The following ZNF618 variants were observed in gnomAD, a reference collection of about 807,000 sequenced individuals.
The protein encoded by ZNF618 is neural precursor cell expressed, developmentally down-regulated 10.
Under a neutral mutation model 103.0 loss-of-function variants are expected in ZNF618, and 34 were observed. The observed-to-expected ratio is 0.33, with a 90% CI of 0.25 to 0.44. ZNF618 has a LOEUF of 0.44. Among genes scored for constraint, ZNF618 ranks in the 20% least tolerant of loss-of-function variants. The pLI is 1.00. For synonymous variants in ZNF618, 551 were observed against 542.2 expected (o/e 1.02, Z -0.23); for missense variants, 1,059 against 1,295.4 (o/e 0.82, Z 2.80).
intron 1 of ZNF618, among the ~76,000 whole-genome samples, chr9:113,967,318 G>T (rs1279731906): frequency 6.6e-6 from 1 of 152,204 alleles, no homozygotes; most frequent in Non-Finnish European, 1.5e-5. Context: ...GGCTGTAATT[G>T]ATCTGTTCTT....
chr9:113,894,595 A>C lies in ZNF618; in HGVS notation c.33+18182A>C, dbSNP rs138224405. 5.3e-5 allele frequency among the ~76,000 whole-genome samples: 8 copies of C among 152,332 alleles called. No individual in the cohort carries two copies. The East Asian group carries it at 1.5e-3, about 29-fold the overall frequency. ...CAATATTATGTTTTTTCCACCCGGT[A>C]ACATGGTCTGTTTCTTTATTCATTC... On this transcript the variant is annotated intron_variant, in intron 1 of 14. Coordinates refer to ENST00000374126, the MANE Select transcript of ZNF618 (RefSeq NM_001318042.2).
chr9:113,879,659 G>A (rs1035105099), intron 1 of ZNF618, among the ~76,000 whole-genome samples: 5 of 151,932 alleles, frequency 3.3e-5, no homozygotes, highest in Admixed American at 3.3e-4. Context: ...AAAATATCTG[G>A]CAAATTGGAC....
intron 2 of ZNF618, among the ~76,000 whole-genome samples, chr9:113,983,145 A>G (rs1236968791): frequency 6.6e-6 from 1 of 152,242 alleles, no homozygotes; most frequent in African/African-American, 2.4e-5. Context: ...AATATACCTA[A>G]TGATTCGTGC....
At chr9:113,982,432 A>G (rs1285635602) in intron 2 of ZNF618, among the ~76,000 whole-genome samples, 1 of 151,700 alleles carries the variant, frequency 6.6e-6, no homozygotes, top group African/African-American at 2.4e-5. Flanking sequence ...CTCCTCTGTA[A>G]CTTCTCTTCT....
chr9:114,036,658 G>T (rs1195901346), intron 13 of ZNF618, among the ~76,000 whole-genome samples: 1 of 152,222 alleles, frequency 6.6e-6, no homozygotes, highest in Non-Finnish European at 1.5e-5. Context: ...TGGCCTCTTG[G>T]CTGGTCCTAA....
rs1041790418 is a variant in ZNF618, at chr9:113,893,501, C to T, written c.33+17088C>T. ...ACATTTACCATTAAAATTTGGACACCTTTCCCTCTGGTTATTTTGTAAGCA... is the reference window on the plus strand; with the variant it reads ...ACATTTACCATTAAAATTTGGACACTTTTCCCTCTGGTTATTTTGTAAGCA... On this transcript the variant is annotated intron_variant, in intron 1 of 14. Transcript: ENST00000374126. 1.2e-4 allele frequency among the ~76,000 whole-genome samples: 19 copies of T among 152,150 alleles called. 1 individual carries two copies. Among genetic ancestry groups the T allele is most frequent in the African/African-American group, 4.6e-4 (19 of 41,536 alleles).
chr9:113,972,120 T>C (rs1318463203), intron 2 of ZNF618, among the ~76,000 whole-genome samples: 4 of 152,184 alleles, frequency 2.6e-5, no homozygotes, highest in Non-Finnish European at 5.9e-5. Flanking sequence ...CAATCTCTGC[T>C]CACTGCATCC....
chr9:113,991,856 C>T (rs937807705), intron 3 of ZNF618, among the ~76,000 whole-genome samples: 2 of 152,120 alleles, frequency 1.3e-5, no homozygotes, highest in African/African-American at 4.8e-5. Flanking sequence ...TGTAGAAGCC[C>T]CAGTGACAAG....
chr9:114,016,312 G>C, intron 9 of ZNF618: 1 of 710,884 alleles, frequency 1.4e-6, no homozygotes, highest in Non-Finnish European at 2.4e-6. Flanking sequence ...GCTTGCAAAG[G>C]GGCTGACGAA....
intron 13 of ZNF618, among the ~76,000 whole-genome samples, chr9:114,038,097 A>C (rs758345234): frequency 6.6e-6 from 1 of 152,194 alleles, no homozygotes; most frequent in Non-Finnish European, 1.5e-5. Flanking sequence ...GGGAAGCAGG[A>C]TCCTCGGGCT....
At chr9:113,935,337 T>C (rs1232619462) in intron 1 of ZNF618, among the ~76,000 whole-genome samples, 1 of 152,090 alleles carries the variant, frequency 6.6e-6, no homozygotes, top group East Asian at 1.9e-4. Context: ...AGGTGAAAAG[T>C]GTCATTGCAG....
At chr9:114,032,781 C>A in intron 12 of ZNF618, 53 bp downstream of exon 12, 1 of 1,538,888 alleles carries the variant, frequency 6.5e-7, no homozygotes, top group Non-Finnish European at 9.0e-7. Flanking sequence ...GCTTCGCCCG[C>A]TCCCCCCTGG....
At chr9:114,010,826 C>T (rs1255419964) in intron 9 of ZNF618, among the ~76,000 whole-genome samples, 2 of 152,168 alleles carry the variant, frequency 1.3e-5, no homozygotes, top group Non-Finnish European at 2.9e-5. Flanking sequence ...TGGCAGTGGT[C>T]CCAGTGTACT....
chr9:113,953,426 G>A (rs7046776), intron 1 of ZNF618, among the ~76,000 whole-genome samples: 72,268 of 152,074 alleles, frequency 0.48, 17,628 homozygotes, highest in Middle Eastern at 0.53. Flanking sequence ...AATGGAAAGC[G>A]AAGCAGGAAA....
chr9:114,039,114 C>T (rs966413032), intron 13 of ZNF618, among the ~76,000 whole-genome samples: 13 of 152,316 alleles, frequency 8.5e-5, no homozygotes, highest in African/African-American at 2.6e-4. Context: ...AGAGCCCATG[C>T]TCTCAACATC....
intron 2 of ZNF618, among the ~76,000 whole-genome samples, chr9:113,983,447 G>A (rs1839156118): frequency 6.6e-6 from 1 of 152,178 alleles, no homozygotes; most frequent in Non-Finnish European, 1.5e-5. Context: ...AGGACTCGGG[G>A]GCATCACGTT....
chr9:113,894,943 A>G (rs1312999505), intron 1 of ZNF618, among the ~76,000 whole-genome samples: 3 of 152,106 alleles, frequency 2.0e-5, no homozygotes. Flanking sequence ...CTCTTATATT[A>G]TGCATTGACT....
intron 13 of ZNF618, among the ~76,000 whole-genome samples, chr9:114,038,620 C>G (rs920578672): frequency 1.6e-4 from 25 of 152,232 alleles, no homozygotes; most frequent in African/African-American, 6.0e-4. Flanking sequence ...TAATAAACTT[C>G]CTTTCTGTGC....
intron 1 of ZNF618, among the ~76,000 whole-genome samples, chr9:113,924,421 CTTCTTT>C (rs1369664553): frequency 1.4e-4 from 10 of 71,114 alleles, no homozygotes; most frequent in South Asian, 8.3e-4. Context: ...TCTTCTTCTT[CTTCTTT>C]TTTTTTTTTT....
Sources: allele counts gnomAD v4.1 joint callset (sites outside exome capture counted in the v4.1 genomes callset), GRCh38; gene constraint gnomAD v4.1.1; transcripts MANE v1.5; gene names NCBI Gene and HGNC (gene_info 2026-07-23, HGNC 2026-07-21).